Variants in PPM1N observed in about 807,000 individuals in gnomAD.
PPM1N encodes the protein protein phosphatase, Mg2+/Mn2+ dependent 1N (putative).
In PPM1N, 35 loss-of-function variants were observed where a neutral mutation model predicts 32.6. The ratio of observed to expected loss-of-function variants is 1.07; its 90% CI spans 0.82 to 1.43. PPM1N has a LOEUF of 1.43. PPM1N is among the 40% of genes most tolerant of loss of function. The pLI, the probability that PPM1N is intolerant of heterozygous loss-of-function variation, is 0.00. For synonymous variants in PPM1N, 275 were observed against 270.5 expected (o/e 1.02, Z -0.16); for missense variants, 648 against 606.6 (o/e 1.07, Z -0.72).
chr19:45,499,553 C>T, intron 1 of PPM1N, 142 bp downstream of exon 1: 1 of 1,550,344 alleles, frequency 6.5e-7, no homozygotes, highest in South Asian at 1.2e-5. Context: ...AAGGGCGTGG[C>T]CTGAAGTGGG....
Position 45,499,044 on chromosome 19 carries a change from G to C in PPM1N, c.572G>C (p.Gly191Ala). 1 of 1,535,332 alleles carries C rather than the reference G, an allele frequency of 6.5e-7. No homozygotes were observed. The highest frequency in any genetic ancestry group is 1.7e-4 in the Middle Eastern group (1 of 5,848). ...TCCCGCGCGGTGCTGAGCCGCGCTG[G>C]CGCCGTGGCCTTCAGCACAGAGGAC... The part of the protein sequence containing the change: ...GDSRAVLSRA[G>A]AVAFSTEDHR... Residue 191 changes from glycine to alanine, a missense_variant, in exon 1 of 5, where the codon GGC becomes GCC. Physicochemically the swap from Gly to Ala is moderately conservative, Grantham distance 60. Transcript: ENST00000451287.
intron 4 of PPM1N, among the ~76,000 whole-genome samples, chr19:45,501,179 G>T (rs766915633): frequency 1.3e-5 from 2 of 152,168 alleles, no homozygotes; most frequent in Non-Finnish European, 2.9e-5. Context: ...CCACATCCAA[G>T]AATAAGATGG....
In PPM1N at chr19:45,498,559, G is replaced by A; in HGVS notation, c.87G>A (p.Glu29=). Residue 29 remains glutamate (E), a synonymous_variant, in exon 1 of 5, where the codon GAG becomes GAA. Transcript: ENST00000451287. ...KEREKEGREE[E]EEEEAGRRAP... ...GGGAGAAGGAGGGGAGGGAGGAAGA[G>A]GAGGAGGAGGAGGCGGGGCGCAGGG... 7.1e-7 allele frequency: 1 copy of A among 1,406,548 alleles called. No homozygotes were observed. Among genetic ancestry groups the A allele is most frequent in the African/African-American group, 1.5e-5 (1 of 66,428 alleles). The allele number at this position is 1,406,548 out of a possible 1,614,324, so 87.1% of individuals were successfully genotyped here.
chr19:45,502,430 T>C lies in PPM1N; in HGVS notation c.*345T>C, dbSNP rs1244061948. ...TAACCTCTTTCCTTCTTATTACTCA[T>C]CTGTTTTTGAGGGGAAGTAGAGTTT... is the stretch of plus-strand genomic sequence containing the variant. On this transcript the variant is annotated 3_prime_UTR_variant, in exon 5 of 5. Transcript: ENST00000451287. 4.3e-6 allele frequency: 2 copies of C among 467,312 alleles called. No individual in the cohort carries two copies. The highest frequency in any genetic ancestry group is 7.2e-5 in the East Asian group (2 of 27,616). The allele number at this position is 467,312 out of a possible 1,614,324, so 28.9% of individuals were successfully genotyped here. A position where few individuals can be genotyped will look rare whatever the true frequency, so the allele number is the denominator to read the frequency against.
intron 4 of PPM1N, 92 bp from the exon 5 acceptor site, chr19:45,501,925 A>G: frequency 1.2e-6 from 1 of 824,684 alleles, no homozygotes. Context: ...GGATTGTGAG[A>G]TGGGATATGG....
rs1568629344 is a variant in PPM1N at position 45,500,571 on chromosome 19, G to A, written c.1163+10G>A. On this transcript the variant is annotated intron_variant, in intron 3 of 4. Transcript: ENST00000451287. ...GAGGGCTGGACTGCAAGTGAGTTGG[G>A]GTGAGGAAGGGTGGGGTGGAATGAG... is the stretch of plus-strand genomic sequence containing the variant. 1.2e-6 allele frequency: 2 copies of A among 1,602,192 alleles called. No individual in the cohort carries two copies. Among genetic ancestry groups the A allele is most frequent in the South Asian group, 1.1e-5 (1 of 89,320 alleles).
At position 45,500,208 on chromosome 19, in the gene PPM1N, C is replaced by T; in HGVS notation, c.1057+142C>T. On this transcript the variant is annotated intron_variant, in intron 2 of 4. Coordinates refer to ENST00000451287, the MANE Select transcript of PPM1N (RefSeq NM_001080401.2). ...GGAGTGCAGTGGCGTGATCTTGGCTCACTGCAACCTCTGCCTTCCGGGTTC... is the reference window on the plus strand; with the variant it reads ...GGAGTGCAGTGGCGTGATCTTGGCTTACTGCAACCTCTGCCTTCCGGGTTC... 2.5e-6 allele frequency: 3 copies of T among 1,183,476 alleles called. No homozygotes were observed. The South Asian group carries it at 4.9e-5, about 19-fold the overall frequency. 73.3% of individuals were successfully genotyped at this position (1,183,476 alleles called of 1,614,324 possible). A position where few individuals can be genotyped will look rare whatever the true frequency, so the allele number is the denominator to read the frequency against.
At chr19:45,500,858 TTTC>T (rs1457871634) in intron 4 of PPM1N, 148 bp downstream of exon 4, 2 of 662,906 alleles carry the variant, frequency 3.0e-6, no homozygotes, top group East Asian at 2.7e-5. Context: ...TTTCTCTTTT[TTTC>T]TTTTCTTCCT....
At chr19:45,500,619 C>A in intron 3 of PPM1N, 31 bp from the exon 4 acceptor site, 1 of 1,592,826 alleles carries the variant, frequency 6.3e-7, no homozygotes. Context: ...GGAGGAGAGT[C>A]CCCTCCTGAG....
At chr19:45,501,344 G>A (rs1454438491) in intron 4 of PPM1N, among the ~76,000 whole-genome samples, 1 of 152,246 alleles carries the variant, frequency 6.6e-6, no homozygotes, top group Non-Finnish European at 1.5e-5. Context: ...AAGATGTATA[G>A]TGGTGGACCA....
rs530812338 is a variant in PPM1N at position 45,500,881 on chromosome 19, TTC to T, written c.1224+181_1224+182del. Among the ~76,000 whole-genome samples the T allele has an allele frequency of 7.3e-4, 111 of 151,976 alleles. 1 individual carries two copies. In the East Asian group the frequency reaches 0.019, roughly 26 times the overall value. On this transcript the variant is annotated intron_variant, in intron 4 of 4. Transcript: ENST00000451287. ...TTTTTCTTTTCTTCCTTCCTTTCTT[TTC>T]TCTCTCTCTTTTTTTTTAGACTGGG...
In PPM1N at chr19:45,502,056, T is replaced by C. The variant is rs773426693; in HGVS notation, c.1264T>C (p.Leu422=). ...DGAGKSNPTH[L]GSALDMEA ...GGCTGGGAAGTCCAACCCCACGCATTTGGGCTCAGCCTTGGACATGGAGGC... is the reference window on the plus strand; with the variant it reads ...GGCTGGGAAGTCCAACCCCACGCATCTGGGCTCAGCCTTGGACATGGAGGC... Residue 422 remains leucine, a synonymous_variant, in exon 5 of 5, where the codon TTG becomes CTG. Transcript: ENST00000451287. The C allele has an allele frequency of 6.4e-7, 1 of 1,558,524 alleles. No homozygotes were observed. The highest frequency in any genetic ancestry group is 2.2e-5 in the Admixed American group (1 of 46,274).
chr19:45,499,156 C>T lies in PPM1N; in HGVS notation c.684C>T (p.Ala228=). The part of the protein sequence containing the change: ...IRRRRVEGSL[A]VSRALGDFTY... Reference sequence around the variant, plus strand: ...GCCGCCGCGTCGAGGGCTCTCTGGCCGTGTCGCGAGCGTTGGGCGACTTTA... The same window carrying T: ...GCCGCCGCGTCGAGGGCTCTCTGGCTGTGTCGCGAGCGTTGGGCGACTTTA... The change falls in exon 1 of 5, where the codon GCC becomes GCT. Residue 228 remains alanine (A), a synonymous_variant. Coordinates refer to ENST00000451287, the MANE Select transcript of PPM1N (RefSeq NM_001080401.2). The T allele has an allele frequency of 6.5e-7, 1 of 1,527,536 alleles. No individual in the cohort carries two copies. The highest frequency in any genetic ancestry group is 1.3e-5 in the South Asian group (1 of 79,838). 94.6% of individuals were successfully genotyped at this position (1,527,536 alleles called of 1,614,324 possible).
chr19:45,501,818 T>C (rs144721667), intron 4 of PPM1N, among the ~76,000 whole-genome samples, 199 bp from the exon 5 acceptor site: 56 of 152,254 alleles, frequency 3.7e-4, no homozygotes, highest in African/African-American at 1.3e-3. Flanking sequence ...CTGGTTCTCA[T>C]TGGCCACACC....
chr19:45,499,659 AGG>A (rs1396733666), intron 1 of PPM1N: 1 of 1,547,874 alleles, frequency 6.5e-7, no homozygotes, highest in Non-Finnish European at 8.7e-7. Flanking sequence ...TCTTTTGGAA[AGG>A]GGCGATTCTG....
Position 45,499,355 on chromosome 19 carries a change from T to G in PPM1N, c.883T>G (p.Leu295Val), listed in dbSNP as rs766040355. 2 of 1,611,772 alleles carry G rather than the reference T, an allele frequency of 1.2e-6. No individual in the cohort carries two copies. The highest frequency in any genetic ancestry group is 1.7e-6 in the Non-Finnish European group (2 of 1,179,410). ...LAGLVASRLR[L>V]GLAPELLCAQ... ...GGGACTGGTGGCTTCACGCCTCCGC[T>G]TGGGCCTGGCCCCAGAGCTTCTCTG... The change falls in exon 1 of 5, where the codon TTG (leucine) becomes GTG (valine). Residue 295 changes from leucine to valine, a missense_variant. Leu to Val is a conservative substitution (Grantham distance 32). Transcript: ENST00000451287.
intron 1 of PPM1N, 67 bp downstream of exon 1, chr19:45,499,478 G>A: frequency 1.3e-6 from 2 of 1,596,186 alleles, no homozygotes; most frequent in African/African-American, 1.3e-5. Context: ...TCGGGGTTTT[G>A]GGGAGGAGGG....
chr19:45,500,126 A>T, intron 2 of PPM1N, 60 bp downstream of exon 2: 1 of 1,497,636 alleles, frequency 6.7e-7, no homozygotes. Flanking sequence ...CTGTGCCATA[A>T]CTTTTTCTTT....
In PPM1N at chr19:45,499,085, C is replaced by T. The variant is rs905100796; in HGVS notation, c.613C>T (p.Pro205Ser). 2.6e-6 allele frequency: 4 copies of T among 1,515,846 alleles called. No individual in the cohort carries two copies. The African/African-American group carries it at 4.2e-5, about 16-fold the overall frequency. The allele number at this position is 1,515,846 out of a possible 1,614,324, so 93.9% of individuals were successfully genotyped here. ...FSTEDHRPLR[P>S]RERERIHAAG... ...CACAGAGGACCACCGGCCCCTTCGA[C>T]CCCGGGAACGCGAGCGCATCCACGC... The change falls in exon 1 of 5, where the codon CCC becomes TCC. Residue 205 changes from proline to serine, a missense_variant. Pro to Ser is a moderately conservative substitution (Grantham distance 74). Coordinates refer to ENST00000451287, the MANE Select transcript of PPM1N (RefSeq NM_001080401.2).
Sources: gnomAD v4.1 joint callset for allele counts (sites outside exome capture counted in the v4.1 genomes callset) on GRCh38, gnomAD v4.1.1 for gene constraint, MANE v1.5 for transcripts, NCBI Gene and HGNC (gene_info 2026-07-23, HGNC 2026-07-21) for gene names.